Variants in DYNC1I2 observed in about 807,000 individuals in gnomAD.
DYNC1I2 encodes the protein dynein cytoplasmic 1 intermediate chain 2, also known as cytoplasmic dynein 1 intermediate chain 2.
In DYNC1I2, 53 loss-of-function variants were observed where a neutral mutation model predicts 88.6. That is an observed-to-expected ratio of 0.60 (90% confidence interval 0.48 to 0.75). The LOEUF (loss-of-function observed/expected upper bound fraction) is 0.75. DYNC1I2 is among the 30% of genes least tolerant of loss of function. The pLI, the probability that DYNC1I2 is intolerant of heterozygous loss-of-function variation, is 0.00. For synonymous variants in DYNC1I2, 198 were observed against 254.6 expected (o/e 0.78, Z 2.12); for missense variants, 458 against 766.6 (o/e 0.60, Z 4.75).
chr2:171,716,904 TAA>T (rs71013067), intron 7 of DYNC1I2, among the ~76,000 whole-genome samples: 201 of 145,514 alleles, frequency 1.4e-3, no homozygotes, highest in Middle Eastern at 3.4e-3. Context: ...AGACTCCGTT[TAA>T]AAAAAAAAAA....
chr2:171,728,250 T>A (rs536492257), intron 12 of DYNC1I2, 55 bp from the exon 13 acceptor site: 8 of 1,089,430 alleles, frequency 7.3e-6, no homozygotes, highest in Non-Finnish European at 1.0e-5. Flanking sequence ...AGACTAAAAA[T>A]TTTGTTTTGC....
At chr2:171,709,567 CAT>C (rs2105558278) in intron 5 of DYNC1I2, among the ~76,000 whole-genome samples, 1 of 152,088 alleles carries the variant, frequency 6.6e-6, no homozygotes, top group Non-Finnish European at 1.5e-5. Flanking sequence ...TAGTGTGAAG[CAT>C]AGTTTTTTTA....
In DYNC1I2 at chr2:171,728,074, T is replaced by A. The variant is rs1688363215; in HGVS notation, c.1143+107T>A. ...ATCTCAGAATGTGCTTCCTTTGGTG[T>A]ATGAATTCCTCACCATTTAGCAACC... On this transcript the variant is annotated intron_variant, in intron 12 of 17. Coordinates refer to ENST00000397119, the MANE Select transcript of DYNC1I2 (RefSeq NM_001378.3). The A allele has an allele frequency of 5.3e-6, 7 of 1,320,388 alleles. No individual in the cohort carries two copies. The South Asian group carries it at 1.2e-4, about 24-fold the overall frequency. 81.8% of individuals were successfully genotyped at this position (1,320,388 alleles called of 1,614,324 possible).
At chr2:171,693,059 G>A in intron 3 of DYNC1I2, 165 bp downstream of exon 3, 1 of 599,090 alleles carries the variant, frequency 1.7e-6, no homozygotes, top group South Asian at 2.1e-5. Context: ...GCTAGTACAT[G>A]GTTATTTTAT....
rs556808016 is a variant in DYNC1I2 at position 171,706,754 on chromosome 2, G to T, written c.244+190G>T. On this transcript the variant is annotated intron_variant, in intron 4 of 17. Transcript: ENST00000397119. ...TTTCTCTAAATTGATATCTTTTTTT[G>T]GGGGGGAGGCAGTGAAATCATTTTA... The T allele has an allele frequency of 5.4e-5, 26 of 481,670 alleles. No individual in the cohort carries two copies. In the South Asian group the frequency reaches 9.2e-4, roughly 17 times the overall value. 29.8% of individuals were successfully genotyped at this position (481,670 alleles called of 1,614,324 possible). A position where few individuals can be genotyped will look rare whatever the true frequency, so the allele number is the denominator to read the frequency against.
At chr2:171,713,621 G>A (rs960630605) in intron 6 of DYNC1I2, among the ~76,000 whole-genome samples, 6 of 151,950 alleles carry the variant, frequency 3.9e-5, no homozygotes, top group Admixed American at 1.3e-4. Flanking sequence ...CATTCATTCA[G>A]TTATTTATTC....
chr2:171,698,992 C>A (rs962537657), intron 3 of DYNC1I2, among the ~76,000 whole-genome samples: 1 of 152,008 alleles, frequency 6.6e-6, no homozygotes, highest in Non-Finnish European at 1.5e-5. Flanking sequence ...AGCCACCACT[C>A]CTGGCCTGCA....
intron 7 of DYNC1I2, among the ~76,000 whole-genome samples, chr2:171,722,358 C>T (rs1332613226): frequency 6.6e-6 from 1 of 152,130 alleles, no homozygotes; most frequent in Non-Finnish European, 1.5e-5. Context: ...TTAAAAGTAA[C>T]TGCTACTTTT....
chr2:171,702,980 C>T (rs1227615186), intron 3 of DYNC1I2, among the ~76,000 whole-genome samples: 1 of 152,190 alleles, frequency 6.6e-6, no homozygotes, highest in Non-Finnish European at 1.5e-5. Context: ...CTGCCTTGAC[C>T]TTCCAAGATG....
Position 171,721,603 on chromosome 2 carries a change from T to G in DYNC1I2, c.512-4015T>G, listed in dbSNP as rs540822333. The stretch of plus-strand genomic sequence containing the variant: ...TTTTCCTCTAATATTTTCATAGCTG[T>G]TTGTGAAGTTATTCATAAGTTGAAT... On this transcript the variant is annotated intron_variant, in intron 7 of 17. Transcript: ENST00000397119. 2.0e-5 allele frequency among the ~76,000 whole-genome samples: 3 copies of G among 152,328 alleles called. No homozygotes were observed. In the South Asian group the frequency reaches 6.2e-4, roughly 32 times the overall value.
chr2:171,696,536 A>G (rs115019382), intron 3 of DYNC1I2, among the ~76,000 whole-genome samples: 2,485 of 152,160 alleles, frequency 0.016, 55 homozygotes, highest in African/African-American at 0.052. Flanking sequence ...ATGCAAATAT[A>G]TTCTTCTATG....
chr2:171,689,977 T>A (rs1016924913), intron 1 of DYNC1I2, among the ~76,000 whole-genome samples, 170 bp from the exon 2 acceptor site: 10 of 149,554 alleles, frequency 6.7e-5, no homozygotes, highest in African/African-American at 9.8e-5. Flanking sequence ...TCTCCCACTT[T>A]AGCCTCCCAA....
intron 3 of DYNC1I2, 132 bp from the exon 4 acceptor site, chr2:171,706,415 A>G (rs1686679652): frequency 1.4e-6 from 1 of 735,930 alleles, no homozygotes; most frequent in Non-Finnish European, 2.4e-6. Flanking sequence ...CTGTTGTTAT[A>G]TAATGTTAAA....
At chr2:171,724,219 T>G (rs530102405) in intron 7 of DYNC1I2, among the ~76,000 whole-genome samples, 2 of 152,362 alleles carry the variant, frequency 1.3e-5, no homozygotes, top group African/African-American at 4.8e-5. Flanking sequence ...TTTAAAGCTT[T>G]CTTTCCACAG....
At chr2:171,736,245 G>GC (rs1413386850) in intron 15 of DYNC1I2, among the ~76,000 whole-genome samples, 1 of 152,224 alleles carries the variant, frequency 6.6e-6, no homozygotes, top group African/African-American at 2.4e-5. Context: ...TCAGTAACTT[G>GC]CTACTGGCCA....
At chr2:171,705,223 G>A (rs1001520597) in intron 3 of DYNC1I2, among the ~76,000 whole-genome samples, 5 of 151,962 alleles carry the variant, frequency 3.3e-5, no homozygotes, top group South Asian at 2.1e-4. Flanking sequence ...TTAGTATTTA[G>A]CCTGTTTCTG....
chr2:171,715,161 TC>T (rs201078907), intron 6 of DYNC1I2, among the ~76,000 whole-genome samples, 166 bp from the exon 7 acceptor site: 2,877 of 152,344 alleles, frequency 0.019, 37 homozygotes, highest in South Asian at 0.047. Flanking sequence ...TGCTACCTTC[TC>T]ATTCTTTTGC....
intron 3 of DYNC1I2, among the ~76,000 whole-genome samples, chr2:171,704,689 A>G (rs923499921): frequency 3.3e-5 from 5 of 152,116 alleles, no homozygotes; most frequent in African/African-American, 1.2e-4. Flanking sequence ...CTGTGAGTTG[A>G]TTAGTGTTTC....
Position 171,726,174 on chromosome 2 carries a change from G to C in DYNC1I2, c.771-20G>C, listed in dbSNP as rs773267424. The C allele has an allele frequency of 4.0e-5, 64 of 1,596,230 alleles. No individual in the cohort carries two copies. The Middle Eastern group carries it at 6.6e-4, about 17-fold the overall frequency. ...AAGTTATAACACCATCTTTTTGGGGGGTTTGGTCTTTTTTTGTAGAGAGAT... is the reference window on the plus strand; with the variant it reads ...AAGTTATAACACCATCTTTTTGGGGCGTTTGGTCTTTTTTTGTAGAGAGAT... On this transcript the variant is annotated intron_variant, in intron 9 of 17. Transcript: ENST00000397119.
Sources: allele counts gnomAD v4.1 joint callset (sites outside exome capture counted in the v4.1 genomes callset), GRCh38; gene constraint gnomAD v4.1.1; transcripts MANE v1.5; gene names NCBI Gene and HGNC (gene_info 2026-07-23, HGNC 2026-07-21).